RGS20: variants seen among roughly 807,000 people sequenced by gnomAD.
The protein encoded by RGS20 is gz-selective GTPase-activating protein.
RGS20 carries 30 observed loss-of-function variants against 33.6 expected under a neutral mutation model. The ratio of observed to expected loss-of-function variants is 0.89; its 90% confidence interval spans 0.67 to 1.21. The LOEUF is 1.21. Among genes scored for constraint, RGS20 ranks in the 50% most tolerant of loss-of-function variants. The probability of loss-of-function intolerance (pLI) is 0.00; values close to 1 mark genes in which losing one functional copy is unlikely to be tolerated. For missense variants in RGS20, 472 were observed against 502.4 expected, an observed-to-expected ratio of 0.94 and a Z score of 0.58; for synonymous variants, 208 against 197.9, an observed-to-expected ratio of 1.05 and a Z score of -0.43.
chr8:53,875,763 C>G (rs1213334558), intron 1 of RGS20, among the ~76,000 whole-genome samples: 1 of 152,154 alleles, frequency 6.6e-6, no homozygotes, highest in Non-Finnish European at 1.5e-5. Flanking sequence ...TGGAACAAGT[C>G]AGAACTGATT....
intron 1 of RGS20, among the ~76,000 whole-genome samples, chr8:53,862,587 C>T (rs1335774381): frequency 6.6e-6 from 1 of 152,140 alleles, no homozygotes; most frequent in African/African-American, 2.4e-5. Flanking sequence ...TTTAGGAGGC[C>T]AGTAGTTTGG....
In RGS20 at chr8:53,889,419, T is replaced by C. The variant is rs1295775940; in HGVS notation, c.510+9817T>C. 1.2e-3 allele frequency among the ~76,000 whole-genome samples: 80 copies of C among 68,098 alleles called. 6 individuals carry two copies. The African/African-American group carries it at 0.013, about 11-fold the overall frequency. The allele number at this position is 68,098 out of a possible 152,430, so 44.7% of individuals were successfully genotyped here. Reference sequence around the variant, plus strand: ...TTCTTTCTCTCTCTCTCTCTTTTTTTTTTTTTTTTTTTTTTTTTTTTTTTT... The same window carrying C: ...TTCTTTCTCTCTCTCTCTCTTTTTTCTTTTTTTTTTTTTTTTTTTTTTTTT... On this transcript the variant is annotated intron_variant, in intron 2 of 5. Transcript: ENST00000297313.
chr8:53,923,381 A>T (rs79334454), intron 2 of RGS20, among the ~76,000 whole-genome samples: 8,197 of 151,998 alleles, frequency 0.054, 665 homozygotes, highest in African/African-American at 0.18. Context: ...GGCTGCTTGA[A>T]CTCAAGAGTT....
At chr8:53,931,139 C>T (rs915253247) in intron 2 of RGS20, among the ~76,000 whole-genome samples, 4 of 152,100 alleles carry the variant, frequency 2.6e-5, no homozygotes, top group African/African-American at 7.2e-5. Context: ...ACTCAGTAAC[C>T]CCAGCAGAGC....
chr8:53,935,337 A>G (rs1814099275), intron 2 of RGS20, among the ~76,000 whole-genome samples: 1 of 152,198 alleles, frequency 6.6e-6, no homozygotes, highest in African/African-American at 2.4e-5. Context: ...GAAAAGATCA[A>G]CAAAATAGCT....
chr8:53,904,126 CT>C (rs35492125), intron 2 of RGS20, among the ~76,000 whole-genome samples: 826 of 136,468 alleles, frequency 6.1e-3, no homozygotes, highest in Admixed American at 5.7e-3. Context: ...AATAACTTTG[CT>C]TTTTTTTTTT....
At chr8:53,881,106 A>C (rs767827439) in intron 2 of RGS20, 22 bp downstream of exon 1, 9 of 1,479,164 alleles carry the variant, frequency 6.1e-6, no homozygotes, top group East Asian at 2.5e-5. Flanking sequence ...AGTTCCTCGA[A>C]CTCTCTTTCT....
At chr8:53,912,382 G>A (rs1333974120) in intron 2 of RGS20, among the ~76,000 whole-genome samples, 13 of 147,452 alleles carry the variant, frequency 8.8e-5, no homozygotes, top group South Asian at 2.1e-4. Flanking sequence ...CAATTTTGTA[G>A]GTAAAAATAT....
intron 1 of RGS20, among the ~76,000 whole-genome samples, chr8:53,870,035 A>C (rs549404742): frequency 6.6e-6 from 1 of 152,282 alleles, no homozygotes; most frequent in East Asian, 1.9e-4. Flanking sequence ...AGTGATGGTA[A>C]CTAGAAGCTG....
At position 53,959,301 on chromosome 8, in the gene RGS20, C is replaced by T. The variant is rs1358569920; in HGVS notation, c.*843C>T. On this transcript the variant is annotated 3_prime_UTR_variant, in exon 6 of 6. Transcript: ENST00000297313. ...GAAATAAAGCACAAGAATTTTATCT[C>T]AATCTTTATTTTTCCATATGTACGT... is the stretch of plus-strand genomic sequence containing the variant. 2.0e-5 allele frequency: 3 copies of T among 152,154 alleles called. No individual in the cohort carries two copies. The highest frequency in any genetic ancestry group is 4.8e-5 in the African/African-American group (2 of 41,424). 9.4% of individuals were successfully genotyped at this position (152,154 alleles called of 1,614,324 possible).
In RGS20 at chr8:53,951,499, A is replaced by G. The variant is rs376357740; in HGVS notation, c.744-2577A>G. 5.8e-4 allele frequency among the ~76,000 whole-genome samples: 88 copies of G among 152,242 alleles called. 1 individual carries two copies. Among genetic ancestry groups the G allele is most frequent in the African/African-American group, 2.1e-3 (87 of 41,532 alleles). On this transcript the variant is annotated intron_variant, in intron 4 of 5. Coordinates refer to ENST00000297313, the MANE Select transcript of RGS20 (RefSeq NM_170587.4). ...GTGATACCCTGTATCAGAAAAAAAG[A>G]AAAAGAAAAAAAGAAACAGGGAGAA... is the stretch of plus-strand genomic sequence containing the variant.
In RGS20 at chr8:53,871,112, CAAAAAAAA is replaced by C. The variant is rs370091533; in HGVS notation, c.166-8124_166-8117del. On this transcript the variant is annotated intron_variant, in intron 1 of 5. Coordinates refer to ENST00000297313, the MANE Select transcript of RGS20 (RefSeq NM_170587.4). ...GGTGACAGAGTGAGACTCCATCTCA[CAAAAAAAA>C]AAAAAAAAAAAAAAAAAAAAAGATT... is the stretch of plus-strand genomic sequence containing the variant. Among the ~76,000 whole-genome samples, 3 of 21,470 alleles carry C rather than the reference CAAAAAAAA, an allele frequency of 1.4e-4. 1 individual carries two copies. Among genetic ancestry groups the C allele is most frequent in the Non-Finnish European group, 3.9e-4 (3 of 7,614 alleles). 14.1% of individuals were successfully genotyped at this position (21,470 alleles called of 152,430 possible). A position where few individuals can be genotyped will look rare whatever the true frequency, so the allele number is the denominator to read the frequency against.
At chr8:53,857,453 A>G (rs1055377047) in intron 1 of RGS20, among the ~76,000 whole-genome samples, 23 of 152,200 alleles carry the variant, frequency 1.5e-4, no homozygotes, top group Non-Finnish European at 4.4e-5. Context: ...TTCAGCCTCT[A>G]AGCTCACAGA....
intron 2 of RGS20, among the ~76,000 whole-genome samples, chr8:53,935,428 C>G (rs908314532): frequency 6.6e-6 from 1 of 152,114 alleles, no homozygotes; most frequent in African/African-American, 2.4e-5. Flanking sequence ...CAGATATCAC[C>G]ACTGATCCCA....
chr8:53,953,800 G>T (rs1814780676), intron 4 of RGS20, among the ~76,000 whole-genome samples: 1 of 152,026 alleles, frequency 6.6e-6, no homozygotes, highest in African/African-American at 2.4e-5. Flanking sequence ...TTCAAGATGT[G>T]CCCATTTGTA....
chr8:53,854,911 T>A (rs1351385458), intron 1 of RGS20, among the ~76,000 whole-genome samples: 2 of 152,186 alleles, frequency 1.3e-5, no homozygotes, highest in Non-Finnish European at 2.9e-5. Flanking sequence ...CTGTGGTACA[T>A]CCATACTATG....
intron 2 of RGS20, among the ~76,000 whole-genome samples, chr8:53,905,130 C>T (rs966429589): frequency 5.3e-5 from 8 of 152,316 alleles, no homozygotes; most frequent in African/African-American, 1.9e-4. Context: ...CTGTAAGCAT[C>T]CATCTGGAAG....
chr8:53,947,557 CTATATAG>C (rs1265601358), intron 4 of RGS20, among the ~76,000 whole-genome samples: 4 of 114,664 alleles, frequency 3.5e-5, no homozygotes, highest in African/African-American at 1.3e-4. Context: ...TTTATATATG[CTATATAG>C]GATATAGTAT....
intron 2 of RGS20, among the ~76,000 whole-genome samples, chr8:53,882,672 C>A (rs1812426666): frequency 6.6e-6 from 1 of 151,668 alleles, no homozygotes; most frequent in Non-Finnish European, 1.5e-5. Flanking sequence ...TGGCAAAAGC[C>A]TATCGCTCTT....
Sources: allele counts gnomAD v4.1 joint callset (sites outside exome capture counted in the v4.1 genomes callset), GRCh38; gene constraint gnomAD v4.1.1; transcripts MANE v1.5; gene names NCBI Gene and HGNC (gene_info 2026-07-23, HGNC 2026-07-21).